Variants in HAVCR1 observed in about 807,000 individuals in gnomAD.
The protein encoded by HAVCR1 is hepatitis A virus cellular receptor 1.
In HAVCR1, 34 loss-of-function variants were observed where a neutral mutation model predicts 32.0. The ratio of observed to expected loss-of-function variants is 1.06; its 90% CI spans 0.81 to 1.42. HAVCR1 has a LOEUF of 1.42. HAVCR1 is among the 40% of genes most tolerant of loss of function. HAVCR1 has a pLI of 0.00. For missense variants in HAVCR1, 420 were observed against 442.3 expected, an observed-to-expected ratio of 0.95 and a Z score of 0.45; for synonymous variants, 178 against 170.3, an observed-to-expected ratio of 1.05 and a Z score of -0.35.
chr5:157,035,192 G>A (rs1290835642), intron 7 of HAVCR1, among the ~76,000 whole-genome samples: 6 of 150,140 alleles, frequency 4.0e-5, no homozygotes, highest in African/African-American at 7.4e-5. Flanking sequence ...TTTTTTTGGC[G>A]TACTCAAGTA....
chr5:157,052,449 G>C lies in HAVCR1; in HGVS notation c.585C>G (p.Ser195Arg). ...CTGGAACACTTGTTGTTGTTGGAAT[G>C]CTCGTTGTCGTTGGAACGCTCGTTG... ...STTTSVPTTT[S>R]IPTTTSVPVT... is the part of the protein sequence containing the mutation. The change falls in exon 4 of 9, where the codon AGC becomes AGG. Residue 195 changes from serine (S) to arginine (R), a missense_variant. By Grantham distance (110) the Ser-to-Arg change is moderately radical. Transcript: ENST00000523175. 1 of 1,612,326 alleles carries C rather than the reference G, an allele frequency of 6.2e-7. No homozygotes were observed. The highest frequency in any genetic ancestry group is 8.5e-7 in the Non-Finnish European group (1 of 1,178,826).
chr5:157,047,074 TATC>T (rs1176002738), intron 5 of HAVCR1, among the ~76,000 whole-genome samples: 1 of 152,176 alleles, frequency 6.6e-6, no homozygotes, highest in Non-Finnish European at 1.5e-5. Flanking sequence ...AGTCTTTTCT[TATC>T]ATGGTAAGTA....
intron 2 of HAVCR1, among the ~76,000 whole-genome samples, chr5:157,056,072 C>A (rs1561604401): frequency 6.6e-6 from 1 of 151,926 alleles, no homozygotes; most frequent in Non-Finnish European, 1.5e-5. Context: ...GCATCAGCCT[C>A]CCAAGTAGCT....
At chr5:157,057,386 GGAAAGAAAGAAAGAAA>G (rs544010943) in intron 2 of HAVCR1, among the ~76,000 whole-genome samples, 12,792 of 79,080 alleles carry the variant, frequency 0.16, 1,161 homozygotes, top group South Asian at 0.22. Context: ...GAGAGAGAGA[GGAAAGAAAGAAAGAAA>G]GAAAGAAAGA....
At chr5:157,041,796 C>T (rs371032466) in intron 6 of HAVCR1, among the ~76,000 whole-genome samples, 4 of 152,236 alleles carry the variant, frequency 2.6e-5, no homozygotes, top group African/African-American at 9.6e-5. Context: ...CGGTGGCTCA[C>T]GCCTGTAATC....
At chr5:157,044,477 AAGG>A (rs1755163519) in intron 5 of HAVCR1, among the ~76,000 whole-genome samples, 1 of 55,532 alleles carries the variant, frequency 1.8e-5, no homozygotes, top group Non-Finnish European at 3.5e-5. Context: ...GAAAGGAAGG[AAGG>A]AAGGAAGGAA....
rs1242056598 is a variant in HAVCR1 at position 157,029,627 on chromosome 5, C to G, written c.*106G>C. On this transcript the variant is annotated 3_prime_UTR_variant, in exon 9 of 9. Transcript: ENST00000523175. The stretch of plus-strand genomic sequence containing the variant: ...TGACATGTTGGAATGCCAGATGAAA[C>G]TGAAACAGAAAAATTGTCTTGGGGT... 6.4e-7 allele frequency: 1 copy of G among 1,559,252 alleles called. No individual in the cohort carries two copies. Among genetic ancestry groups the G allele is most frequent in the African/African-American group, 1.4e-5 (1 of 73,764 alleles).
the HAVCR1 span, among the ~76,000 whole-genome samples, chr5:157,067,092 G>A: frequency 6.6e-6 from 1 of 152,308 alleles, no homozygotes; most frequent in East Asian, 1.9e-4. Flanking sequence ...AGCAAATGAA[G>A]TAAGGACAAA....
chr5:157,052,512 C>T lies in HAVCR1; in HGVS notation c.522G>A (p.Thr174=), dbSNP rs1461810986. The part of the protein sequence containing the change: ...TTVPTTMSIP[T]TTTVLTTMTV... ...TCATTGTCGTCAGAACAGTCGTTGTCGTTGGAATGCTCATTGTTGTTGGAA... is the reference window on the plus strand; with the variant it reads ...TCATTGTCGTCAGAACAGTCGTTGTTGTTGGAATGCTCATTGTTGTTGGAA... Residue 174 remains threonine, a synonymous_variant, in exon 4 of 9, where the codon ACG becomes ACA. Coordinates refer to ENST00000523175, the MANE Select transcript of HAVCR1 (RefSeq NM_001173393.3). The T allele has an allele frequency of 3.1e-6, 5 of 1,600,278 alleles. No homozygotes were observed. Among genetic ancestry groups the T allele is most frequent in the African/African-American group, 1.3e-5 (1 of 74,242 alleles).
At chr5:157,066,506 C>A in the HAVCR1 span, among the ~76,000 whole-genome samples, 538 of 129,756 alleles carry the variant, frequency 4.1e-3, no homozygotes, top group South Asian at 8.1e-3. Context: ...CCCCATCTTC[C>A]AAAAAAAAAA....
intron 2 of HAVCR1, among the ~76,000 whole-genome samples, chr5:157,057,451 G>A: frequency 8.9e-6 from 1 of 111,978 alleles, no homozygotes; most frequent in East Asian, 2.5e-4. Flanking sequence ...AAGAAAGAAA[G>A]AAAGAAAGAA....
At chr5:157,058,035 A>G in intron 1 of HAVCR1, 80 bp from the exon 2 acceptor site, 1 of 995,348 alleles carries the variant, frequency 1.0e-6, no homozygotes, top group Non-Finnish European at 1.6e-6. Flanking sequence ...TCAGATTGCA[A>G]CTTATCTTTT....
chr5:157,041,198 T>C (rs1247329668), intron 6 of HAVCR1, among the ~76,000 whole-genome samples: 1 of 152,144 alleles, frequency 6.6e-6, no homozygotes, highest in Non-Finnish European at 1.5e-5. Flanking sequence ...GACTTTGTTA[T>C]CTTAAAAAAT....
intron 3 of HAVCR1, among the ~76,000 whole-genome samples, chr5:157,054,854 G>A (rs1408440753): frequency 6.6e-6 from 1 of 152,136 alleles, no homozygotes; most frequent in Non-Finnish European, 1.5e-5. Flanking sequence ...ATGATTTAAA[G>A]CATATGGGAC....
chr5:157,040,884 A>C (rs553239869), intron 6 of HAVCR1, among the ~76,000 whole-genome samples: 13 of 152,282 alleles, frequency 8.5e-5, no homozygotes, highest in Admixed American at 7.8e-4. Flanking sequence ...TGGGCGATGA[A>C]AGTAAAACCC....
chr5:157,055,052 T>G (rs1321826985), intron 3 of HAVCR1, 149 bp downstream of exon 3: 9 of 541,900 alleles, frequency 1.7e-5, no homozygotes, highest in Non-Finnish European at 2.3e-5. Context: ...TAACTTCATC[T>G]ACACAAAAGT....
At chr5:157,033,164 A>C (rs1179474492) in intron 7 of HAVCR1, among the ~76,000 whole-genome samples, 5 of 73,970 alleles carry the variant, frequency 6.8e-5, no homozygotes, top group African/African-American at 4.5e-4. Flanking sequence ...CATTTTTTTA[A>C]AAAAAATGAG....
At chr5:157,068,627 A>G in the HAVCR1 span, among the ~76,000 whole-genome samples, 2 of 149,556 alleles carry the variant, frequency 1.3e-5, no homozygotes, top group African/African-American at 2.5e-5. Flanking sequence ...TTTACTGCAC[A>G]TTATCTTTAT....
chr5:157,039,295 TTCAC>T (rs1485878611), intron 6 of HAVCR1, among the ~76,000 whole-genome samples: 3 of 152,232 alleles, frequency 2.0e-5, no homozygotes, highest in African/African-American at 7.2e-5. Flanking sequence ...AGTAGCTTCT[TTCAC>T]TTAATAATGT....
Sources: gnomAD v4.1 joint callset for allele counts (sites outside exome capture counted in the v4.1 genomes callset) on GRCh38, gnomAD v4.1.1 for gene constraint, MANE v1.5 for transcripts, NCBI Gene and HGNC (gene_info 2026-07-23, HGNC 2026-07-21) for gene names.